SPON1: variants seen among roughly 807,000 people sequenced by gnomAD.
The protein encoded by SPON1 is spondin 1.
SPON1 carries 52 observed loss-of-function variants against 111.7 expected under a neutral mutation model. The observed-to-expected ratio is 0.47, with a 90% confidence interval of 0.37 to 0.59. The LOEUF is 0.59. Ranked by LOEUF, SPON1 falls within the 20% of genes least tolerant of loss-of-function variation. The pLI, the probability that SPON1 is intolerant of heterozygous loss-of-function variation, is 0.00. For missense variants in SPON1, 957 were observed against 1,068.5 expected (o/e 0.90, Z 1.46); for synonymous variants, 410 against 395.8 (o/e 1.04, Z -0.43).
intron 6 of SPON1, among the ~76,000 whole-genome samples, chr11:14,144,235 G>A (rs1324762689): frequency 6.6e-6 from 1 of 152,014 alleles, no homozygotes; most frequent in Non-Finnish European, 1.5e-5. Flanking sequence ...AGGGTATTTC[G>A]GTTTTACTGG....
intron 6 of SPON1, among the ~76,000 whole-genome samples, chr11:14,144,437 C>T (rs1183684874): frequency 6.6e-6 from 1 of 151,972 alleles, no homozygotes; most frequent in Non-Finnish European, 1.5e-5. Context: ...CGAGACCAAT[C>T]TGGCCAACAT....
At chr11:14,047,907 C>T (rs1848680255) in intron 3 of SPON1, among the ~76,000 whole-genome samples, 2 of 152,162 alleles carry the variant, frequency 1.3e-5, no homozygotes, top group Admixed American at 1.3e-4. Flanking sequence ...AGTTATTAAA[C>T]AGTGGACTGA....
intron 2 of SPON1, among the ~76,000 whole-genome samples, chr11:14,027,372 C>T (rs1848526478): frequency 6.6e-6 from 1 of 152,146 alleles, no homozygotes. Context: ...TATGAGTTTA[C>T]CATGAGCTTC....
chr11:14,165,136 A>G (rs1848013339), intron 6 of SPON1, among the ~76,000 whole-genome samples: 3 of 152,306 alleles, frequency 2.0e-5, no homozygotes. Context: ...ATCTTCCTTT[A>G]AACTATAAAC....
intron 5 of SPON1, among the ~76,000 whole-genome samples, chr11:14,088,371 T>C (rs1007931677): frequency 6.6e-6 from 1 of 152,216 alleles, no homozygotes; most frequent in African/African-American, 2.4e-5. Context: ...AAGGATTTTA[T>C]TTCTCCTTCA....
At chr11:14,235,099 C>T (rs1276849663) in intron 6 of SPON1, among the ~76,000 whole-genome samples, 1 of 152,196 alleles carries the variant, frequency 6.6e-6, no homozygotes, top group African/African-American at 2.4e-5. Context: ...TGGCACGGCT[C>T]TATGCTGGGA....
In SPON1 at chr11:14,041,644, G is replaced by A. The variant is rs924258186; in HGVS notation, c.469G>A (p.Val157Met). 4 of 1,613,654 alleles carry A rather than the reference G, an allele frequency of 2.5e-6. No homozygotes were observed. The highest frequency in any genetic ancestry group is 3.4e-6 in the Non-Finnish European group (4 of 1,179,792). ...WIAPPAGTGC[V>M]ILKASIVQKR... ...AGCACCACCAGCGGGAACAGGCTGC[G>A]TGATTCTGAAGTAAGTAAACATGGA... The change falls in exon 3 of 16, where the codon GTG becomes ATG. Residue 157 changes from valine to methionine, a missense_variant. Coordinates refer to ENST00000576479, the MANE Select transcript of SPON1 (RefSeq NM_006108.4).
At chr11:14,003,017 C>T (rs1848331656) in intron 2 of SPON1, among the ~76,000 whole-genome samples, 1 of 152,150 alleles carries the variant, frequency 6.6e-6, no homozygotes, top group Non-Finnish European at 1.5e-5. Flanking sequence ...CTTCTCGACC[C>T]CCACCAAAAT....
intron 3 of SPON1, among the ~76,000 whole-genome samples, chr11:14,070,232 C>T (rs144507274): frequency 1.3e-5 from 2 of 152,210 alleles, no homozygotes; most frequent in African/African-American, 4.8e-5. Flanking sequence ...CTATGGAAAA[C>T]ATTACTGAGA....
intron 5 of SPON1, among the ~76,000 whole-genome samples, chr11:14,121,700 T>C (rs1554926515): frequency 6.6e-6 from 1 of 152,208 alleles, no homozygotes; most frequent in African/African-American, 2.4e-5. Flanking sequence ...CACTCTTTAT[T>C]CCTTCATGTA....
At chr11:14,060,880 G>A (rs1554919784) in intron 3 of SPON1, among the ~76,000 whole-genome samples, 1 of 152,116 alleles carries the variant, frequency 6.6e-6, no homozygotes, top group East Asian at 1.9e-4. Context: ...TGCACTGTGG[G>A]TAGATACAAC....
chr11:14,095,411 GATA>G (rs1554923794), intron 5 of SPON1, among the ~76,000 whole-genome samples: 2 of 113,122 alleles, frequency 1.8e-5, no homozygotes, highest in Admixed American at 9.3e-5. Context: ...AGACTAGATA[GATA>G]GATAGATAGA....
At chr11:14,079,790 C>T in intron 4 of SPON1, 109 bp from the exon 5 acceptor site, 1 of 1,192,238 alleles carries the variant, frequency 8.4e-7, no homozygotes, top group Admixed American at 2.2e-5. Context: ...CTAATGAAAG[C>T]TGCATCTTCT....
At chr11:14,079,476 A>C (rs781850113) in intron 4 of SPON1, among the ~76,000 whole-genome samples, 1 of 152,248 alleles carries the variant, frequency 6.6e-6, no homozygotes, top group Non-Finnish European at 1.5e-5. Flanking sequence ...GGTCCCAGAG[A>C]ATATTTCCTA....
At chr11:14,243,193 A>T (rs2133918321) in intron 6 of SPON1, 139 bp from the exon 7 acceptor site, 1 of 746,610 alleles carries the variant, frequency 1.3e-6, no homozygotes, top group African/African-American at 1.7e-5. Flanking sequence ...CATCCCAGAG[A>T]GAGGTGGCTG....
chr11:14,016,036 TC>T, intron 2 of SPON1, among the ~76,000 whole-genome samples: 1 of 152,336 alleles, frequency 6.6e-6, no homozygotes, highest in Non-Finnish European at 1.5e-5. Context: ...TCTGGAGTCA[TC>T]CAATCTTGGG....
In SPON1 at chr11:14,139,703, A is replaced by T. The variant is rs946806597; in HGVS notation, c.825+4135A>T. 2.8e-4 allele frequency among the ~76,000 whole-genome samples: 33 copies of T among 119,572 alleles called. No homozygotes were observed. In the South Asian group the frequency reaches 9.5e-3, roughly 34 times the overall value. The allele number at this position is 119,572 out of a possible 152,430, so 78.4% of individuals were successfully genotyped here. On this transcript the variant is annotated intron_variant, in intron 6 of 15. Transcript: ENST00000576479. ...TCCTAACAGTGGAGAAAAGGAAAACATGTAAAATATATATATATATATTTA... is the reference window on the plus strand; with the variant it reads ...TCCTAACAGTGGAGAAAAGGAAAACTTGTAAAATATATATATATATATTTA...
chr11:14,247,408 G>A (rs1849004320), intron 7 of SPON1, among the ~76,000 whole-genome samples: 1 of 152,080 alleles, frequency 6.6e-6, no homozygotes. Context: ...AAATAATAAT[G>A]GTAAATCATT....
At chr11:14,096,774 A>C (rs547380123) in intron 5 of SPON1, among the ~76,000 whole-genome samples, 1 of 152,176 alleles carries the variant, frequency 6.6e-6, no homozygotes, top group African/African-American at 2.4e-5. Context: ...ATGTCCCTTC[A>C]TCAAACTCAC....
Sources: allele counts gnomAD v4.1 joint callset (sites outside exome capture counted in the v4.1 genomes callset), GRCh38; gene constraint gnomAD v4.1.1; transcripts MANE v1.5; gene names NCBI Gene and HGNC (gene_info 2026-07-23, HGNC 2026-07-21).